PTPN14: variants seen among roughly 807,000 people sequenced by gnomAD.
PTPN14 encodes tyrosine-protein phosphatase non-receptor type 14.
PTPN14 carries 53 observed loss-of-function variants against 126.8 expected under a neutral mutation model. The observed-to-expected ratio is 0.42, with a 90% CI of 0.34 to 0.53. PTPN14 has a LOEUF of 0.53. Ranked by LOEUF, PTPN14 falls within the 20% of genes least tolerant of loss-of-function variation. PTPN14 has a pLI of 0.08. For synonymous variants in PTPN14, 630 were observed against 599.3 expected (o/e 1.05, Z -0.75); for missense variants, 1,257 against 1,552.9 (o/e 0.81, Z 3.20).
At chr1:214,411,374 C>CA (rs1299646519) in intron 5 of PTPN14, among the ~76,000 whole-genome samples, 4 of 151,882 alleles carry the variant, frequency 2.6e-5, no homozygotes, top group South Asian at 2.1e-4. Context: ...AAAGATTCCA[C>CA]AAAAAAACTG....
At position 214,477,639 on chromosome 1, in the gene PTPN14, T is replaced by C. The variant is rs570886286; in HGVS notation, c.-154-12682A>G. On this transcript the variant is annotated intron_variant, in intron 1 of 18. Coordinates refer to ENST00000366956, the MANE Select transcript of PTPN14 (RefSeq NM_005401.5). ...AGATTTGTTCAGCTGCTTGCATCCG[T>C]GCTGAGCAAGCCTGGGCCTCTAGAG... Among the ~76,000 whole-genome samples the C allele has an allele frequency of 9.5e-4, 144 of 152,322 alleles. 1 individual carries two copies. Among genetic ancestry groups the C allele is most frequent in the Non-Finnish European group, 1.5e-3 (101 of 68,020 alleles).
intron 2 of PTPN14, among the ~76,000 whole-genome samples, chr1:214,461,716 AG>A (rs1660518484): frequency 6.6e-6 from 1 of 152,144 alleles, no homozygotes; most frequent in African/African-American, 2.4e-5. Context: ...AGACCAAGGC[AG>A]GAAGATCACG....
intron 1 of PTPN14, among the ~76,000 whole-genome samples, chr1:214,510,458 G>T (rs951455451): frequency 1.1e-4 from 16 of 152,200 alleles, no homozygotes; most frequent in Admixed American, 1.0e-3. Flanking sequence ...CAATAAAATG[G>T]TGTATGCCTG....
chr1:214,406,500 AAGT>A (rs925109658), intron 5 of PTPN14, among the ~76,000 whole-genome samples: 102 of 152,218 alleles, frequency 6.7e-4, no homozygotes, highest in African/African-American at 2.4e-3. Flanking sequence ...AGAAAAAAAA[AAGT>A]AGCCAATGCA....
chr1:214,435,980 C>T (rs1659905019), intron 3 of PTPN14, among the ~76,000 whole-genome samples: 1 of 152,144 alleles, frequency 6.6e-6, no homozygotes, highest in Admixed American at 6.5e-5. Flanking sequence ...ATAGCAAAGA[C>T]ATGGAATCAA....
chr1:214,374,586 C>CT (rs1395327692), intron 15 of PTPN14, among the ~76,000 whole-genome samples: 1 of 152,222 alleles, frequency 6.6e-6, no homozygotes. Context: ...GCAAATAAAT[C>CT]TCTGTTCTGT....
intron 1 of PTPN14, among the ~76,000 whole-genome samples, chr1:214,543,827 G>A (rs1655902433): frequency 6.6e-6 from 1 of 152,058 alleles, no homozygotes; most frequent in Non-Finnish European, 1.5e-5. Flanking sequence ...TACTATGTTG[G>A]CCAGGATGGT....
rs748577702 is a variant in PTPN14 at position 214,383,937 on chromosome 1, G to A, written c.1918C>T (p.Arg640Cys). 29 of 1,613,112 alleles carry A rather than the reference G, an allele frequency of 1.8e-5. No homozygotes were observed. The highest frequency in any genetic ancestry group is 6.6e-5 in the South Asian group (6 of 91,088). Residue 640 changes from arginine (R) to cysteine (C), a missense_variant, in exon 13 of 19, where the codon CGC becomes TGC. Physicochemically the swap from Arg to Cys is radical, Grantham distance 180. Transcript: ENST00000366956. The surrounding 1 kb of genome is among the most constrained non-coding windows in gnomAD (Gnocchi z 4.4). Reference protein sequence around the residue: ...ATKHHGTVNKRHSLEVMNSMV... With the variant: ...ATKHHGTVNKCHSLEVMNSMV... ...CTGTTCATCACCTCCAGGCTGTGGCGCTTGTTCACAGTGCCGTGGTGCTTG... is the reference window on the plus strand; with the variant it reads ...CTGTTCATCACCTCCAGGCTGTGGCACTTGTTCACAGTGCCGTGGTGCTTG...
chr1:214,511,411 T>C (rs1654970290), intron 1 of PTPN14, among the ~76,000 whole-genome samples: 2 of 150,998 alleles, frequency 1.3e-5, no homozygotes, highest in African/African-American at 2.4e-5. Flanking sequence ...GAAAGATGCT[T>C]AGCAACACTA....
intron 1 of PTPN14, among the ~76,000 whole-genome samples, chr1:214,465,935 T>C (rs1268146069): frequency 6.8e-6 from 1 of 147,996 alleles, no homozygotes; most frequent in African/African-American, 2.5e-5. Flanking sequence ...ATGCATTTAA[T>C]ATAATCAGTT....
At chr1:214,469,876 C>G (rs1381585269) in intron 1 of PTPN14, among the ~76,000 whole-genome samples, 1 of 151,686 alleles carries the variant, frequency 6.6e-6, no homozygotes, top group Non-Finnish European at 1.5e-5. Context: ...TTTCTGTGAA[C>G]CTAAAAGTGC....
At chr1:214,525,349 A>C (rs1324188075) in intron 1 of PTPN14, among the ~76,000 whole-genome samples, 2 of 152,242 alleles carry the variant, frequency 1.3e-5, no homozygotes, top group African/African-American at 4.8e-5. Context: ...AAATATATCC[A>C]AACAAAATTA....
At chr1:214,419,627 A>T (rs1478049903) in intron 3 of PTPN14, among the ~76,000 whole-genome samples, 1 of 152,052 alleles carries the variant, frequency 6.6e-6, no homozygotes, top group African/African-American at 2.4e-5. Flanking sequence ...AGTGCCAGAC[A>T]GCATTGGTTT....
chr1:214,437,592 AG>A (rs1487404864), intron 3 of PTPN14, among the ~76,000 whole-genome samples: 3 of 152,210 alleles, frequency 2.0e-5, no homozygotes, highest in African/African-American at 7.2e-5. Context: ...ATATTCTGAA[AG>A]AGAGGAAATA....
At position 214,493,114 on chromosome 1, in the gene PTPN14, C is replaced by T. The variant is rs1294245995; in HGVS notation, c.-154-28157G>A. ...GGGAAAGCAAGACATGTTCGGAGGTCAGAAGGCCCAAATTGGGCTGGCTGC... is the reference window on the plus strand; with the variant it reads ...GGGAAAGCAAGACATGTTCGGAGGTTAGAAGGCCCAAATTGGGCTGGCTGC... On this transcript the variant is annotated intron_variant, in intron 1 of 18. Coordinates refer to ENST00000366956, the MANE Select transcript of PTPN14 (RefSeq NM_005401.5). Among the ~76,000 whole-genome samples, 3 of 152,190 alleles carry T rather than the reference C, an allele frequency of 2.0e-5. No individual in the cohort carries two copies. In the East Asian group the frequency reaches 5.8e-4, roughly 29 times the overall value.
At chr1:214,549,437 TAACA>T (rs1249226575) in intron 1 of PTPN14, among the ~76,000 whole-genome samples, 1 of 152,204 alleles carries the variant, frequency 6.6e-6, no homozygotes, top group Non-Finnish European at 1.5e-5. Context: ...GAGAAAAGTA[TAACA>T]AACTTAGTGA....
intron 3 of PTPN14, among the ~76,000 whole-genome samples, chr1:214,415,701 T>C (rs1659410709): frequency 6.6e-6 from 1 of 152,154 alleles, no homozygotes; most frequent in Non-Finnish European, 1.5e-5. Context: ...ACAGGCATCA[T>C]TACACATCAG....
intron 1 of PTPN14, among the ~76,000 whole-genome samples, chr1:214,502,632 T>C (rs1034922754): frequency 4.6e-5 from 7 of 152,170 alleles, no homozygotes; most frequent in African/African-American, 1.7e-4. Context: ...GTGCTGGGAT[T>C]ACAGGCAGGA....
chr1:214,372,624 G>C, intron 16 of PTPN14, 87 bp downstream of exon 16: 1 of 1,585,782 alleles, frequency 6.3e-7, no homozygotes, highest in East Asian at 2.2e-5. Flanking sequence ...AAGAAGGATA[G>C]GGTAGCAAAG....
Sources: gnomAD v4.1 joint callset for allele counts (sites outside exome capture counted in the v4.1 genomes callset) on GRCh38, gnomAD v4.1.1 for gene constraint, Gnocchi (gnomAD v3.1) non-coding constraint, MANE v1.5 for transcripts, NCBI Gene and HGNC (gene_info 2026-07-23, HGNC 2026-07-21) for gene names.